SNX9: variants seen among roughly 807,000 people sequenced by gnomAD.
The protein encoded by SNX9 is sorting nexin-9.
SNX9 carries 44 observed loss-of-function variants against 89.4 expected under a neutral mutation model. That is an observed-to-expected ratio of 0.49 (90% CI 0.39 to 0.63). The LOEUF (loss-of-function observed/expected upper bound fraction) is 0.63. Among genes scored for constraint, SNX9 ranks in the 30% least tolerant of loss-of-function variants. The probability of loss-of-function intolerance (pLI) is 0.00; values close to 1 mark genes in which losing one functional copy is unlikely to be tolerated. For missense variants in SNX9, 578 were observed against 736.1 expected, an observed-to-expected ratio of 0.79 and a Z score of 2.49; for synonymous variants, 236 against 247.8, an observed-to-expected ratio of 0.95 and a Z score of 0.45.
At chr6:157,902,136 T>A in intron 6 of SNX9, 91 bp downstream of exon 6, 1 of 1,213,198 alleles carries the variant, frequency 8.2e-7, no homozygotes, top group Non-Finnish European at 1.1e-6. Context: ...AGCTGGCCTT[T>A]TCCCTTTCCA....
In SNX9 at chr6:157,826,887, AT is replaced by A. The variant is rs374258434; in HGVS notation, c.12+3442del. On this transcript the variant is annotated intron_variant, in intron 1 of 17. Coordinates refer to ENST00000392185, the MANE Select transcript of SNX9 (RefSeq NM_016224.5). Reference sequence around the variant, plus strand: ...ATATTATAGTTTATATAATATATAAATATATATTATAGTTTATATAATATAT... The same window carrying A: ...ATATTATAGTTTATATAATATATAAAATATATTATAGTTTATATAATATAT... 4.2e-4 allele frequency among the ~76,000 whole-genome samples: 34 copies of A among 81,018 alleles called. 2 individuals are homozygous for A. Among genetic ancestry groups the A allele is most frequent in the African/African-American group, 1.2e-3 (22 of 17,634 alleles). 53.2% of individuals were successfully genotyped at this position (81,018 alleles called of 152,430 possible).
chr6:157,836,565 G>C (rs1182619468), intron 1 of SNX9, among the ~76,000 whole-genome samples: 1 of 151,884 alleles, frequency 6.6e-6, no homozygotes, highest in East Asian at 1.9e-4. Context: ...GGAGGTCTGG[G>C]GTGGGGCTGA....
At chr6:157,895,432 G>C (rs1250763700) in intron 4 of SNX9, among the ~76,000 whole-genome samples, 1 of 152,150 alleles carries the variant, frequency 6.6e-6, no homozygotes. Context: ...AGTTGATAAA[G>C]CAGTGTCTGT....
intron 12 of SNX9, 123 bp from the exon 13 acceptor site, chr6:157,932,072 G>A: frequency 1.3e-6 from 1 of 742,508 alleles, no homozygotes. Flanking sequence ...ACAGTATTTT[G>A]TGAAGGAATA....
At chr6:157,902,172 T>C in intron 6 of SNX9, 127 bp downstream of exon 6, 2 of 782,184 alleles carry the variant, frequency 2.6e-6, no homozygotes, top group South Asian at 1.1e-4. Context: ...TTGGATATGA[T>C]TCAGTTATTT....
At chr6:157,844,951 G>C (rs1781776709) in intron 1 of SNX9, among the ~76,000 whole-genome samples, 1 of 152,034 alleles carries the variant, frequency 6.6e-6, no homozygotes, top group African/African-American at 2.4e-5. Flanking sequence ...AGTTCGTTCA[G>C]CCTGCGTCCA....
At chr6:157,851,260 A>C (rs1017471989) in intron 1 of SNX9, among the ~76,000 whole-genome samples, 18 of 151,028 alleles carry the variant, frequency 1.2e-4, no homozygotes, top group Non-Finnish European at 2.1e-4. Context: ...GGTCTCAAAA[A>C]AAAAAAAAAC....
At chr6:157,897,100 C>T (rs1171868873) in intron 5 of SNX9, 102 bp downstream of exon 5, 1 of 1,189,828 alleles carries the variant, frequency 8.4e-7, no homozygotes, top group Non-Finnish European at 1.2e-6. Context: ...CAGCACAACA[C>T]AGAACAGTTT....
rs980210888 is a variant in SNX9, at chr6:157,823,400, G to A, written c.-35G>A. The A allele has an allele frequency of 2.7e-5, 34 of 1,271,984 alleles. No individual in the cohort carries two copies. The highest frequency in any genetic ancestry group is 1.9e-4 in the African/African-American group (12 of 63,270). The allele number at this position is 1,271,984 out of a possible 1,614,324, so 78.8% of individuals were successfully genotyped here. ...AATCACCATCCGCGGCGCGGGAGAC[G>A]AGCCGGCCGTCCCGGGCCGGGGGAC... On this transcript the variant is annotated 5_prime_UTR_variant, in exon 1 of 18. Coordinates refer to ENST00000392185, the MANE Select transcript of SNX9 (RefSeq NM_016224.5). This position sits in a 1 kb window ranked among gnomAD's most constrained non-coding sequence, Gnocchi z 4.6.
At chr6:157,902,822 C>T (rs759811865) in intron 6 of SNX9, among the ~76,000 whole-genome samples, 28 of 152,046 alleles carry the variant, frequency 1.8e-4, no homozygotes, top group Non-Finnish European at 3.4e-4. Context: ...CATGTGCCAC[C>T]GCGCCCAGCT....
chr6:157,926,328 A>G (rs1486082391), intron 10 of SNX9, among the ~76,000 whole-genome samples: 2 of 152,234 alleles, frequency 1.3e-5, no homozygotes, highest in East Asian at 1.9e-4. Flanking sequence ...CTTTGTGACA[A>G]TTCATTGCAC....
chr6:157,890,937 G>T (rs1294680037), intron 4 of SNX9, among the ~76,000 whole-genome samples: 2 of 151,340 alleles, frequency 1.3e-5, no homozygotes, highest in African/African-American at 4.9e-5. Flanking sequence ...CATCTCCTGT[G>T]CCTGTCTGTA....
chr6:157,839,158 A>G (rs1158961768), intron 1 of SNX9, among the ~76,000 whole-genome samples: 1 of 152,208 alleles, frequency 6.6e-6, no homozygotes, highest in Non-Finnish European at 1.5e-5. Flanking sequence ...TTTTGGTGTT[A>G]GGTATCAATG....
At chr6:157,867,701 A>G (rs1227718530) in intron 2 of SNX9, 68 bp downstream of exon 2, 1 of 1,270,348 alleles carries the variant, frequency 7.9e-7, no homozygotes, top group Admixed American at 1.9e-5. Flanking sequence ...CCGGTAAGAG[A>G]ACTGTACATT....
intron 4 of SNX9, among the ~76,000 whole-genome samples, chr6:157,876,322 G>C (rs771389317): frequency 1.3e-5 from 2 of 152,104 alleles, no homozygotes; most frequent in African/African-American, 2.4e-5. Flanking sequence ...TGTGGTGGCA[G>C]GCACCTGTAA....
chr6:157,854,458 A>T (rs1042476049), intron 1 of SNX9, among the ~76,000 whole-genome samples: 1 of 152,254 alleles, frequency 6.6e-6, no homozygotes, highest in Non-Finnish European at 1.5e-5. Context: ...AGAAGAGCAC[A>T]TAAGAAATGT....
At chr6:157,905,905 CCTT>C (rs972092458) in intron 6 of SNX9, among the ~76,000 whole-genome samples, 1 of 152,218 alleles carries the variant, frequency 6.6e-6, no homozygotes, top group Non-Finnish European at 1.5e-5. Flanking sequence ...AAACATCACA[CCTT>C]CTGGAGTCAA....
At chr6:157,927,038 G>C (rs1246862464) in intron 10 of SNX9, 73 bp from the exon 11 acceptor site, 1 of 1,122,272 alleles carries the variant, frequency 8.9e-7, no homozygotes. Flanking sequence ...AAATGAGCTG[G>C]TCCTGTTTGG....
intron 1 of SNX9, among the ~76,000 whole-genome samples, chr6:157,865,717 G>T (rs933855170): frequency 6.6e-6 from 1 of 152,206 alleles, no homozygotes; most frequent in Admixed American, 6.5e-5. Context: ...TGTATTTCAA[G>T]ATAGCATTTT....
Sources: allele counts gnomAD v4.1 joint callset (sites outside exome capture counted in the v4.1 genomes callset), GRCh38; gene constraint gnomAD v4.1.1; non-coding constraint Gnocchi (gnomAD v3.1); transcripts MANE v1.5; gene names NCBI Gene and HGNC (gene_info 2026-07-23, HGNC 2026-07-21).